The following MCU variants were observed in gnomAD, a reference collection of about 807,000 sequenced individuals.
The protein encoded by MCU is calcium uniporter protein, mitochondrial.
Under a neutral mutation model 45.2 loss-of-function variants are expected in MCU, and 12 were observed. The ratio of observed to expected loss-of-function variants is 0.27; its 90% confidence interval spans 0.17 to 0.43. The LOEUF is 0.43. Among genes scored for constraint, MCU ranks in the 20% least tolerant of loss-of-function variants. The probability of loss-of-function intolerance (pLI) is 1.00; values close to 1 mark genes in which losing one functional copy is unlikely to be tolerated. For synonymous variants in MCU, 160 were observed against 165.1 expected, an observed-to-expected ratio of 0.97 and a Z score of 0.24; for missense variants, 324 against 436.7, an observed-to-expected ratio of 0.74 and a Z score of 2.30.
At chr10:72,725,614 T>G (rs1843087282) in intron 1 of MCU, among the ~76,000 whole-genome samples, 1 of 151,994 alleles carries the variant, frequency 6.6e-6, no homozygotes, top group African/African-American at 2.4e-5. Context: ...GTAGGCCGGG[T>G]GCGGTGGCTC....
At chr10:72,746,581 A>G (rs1843418143) in intron 1 of MCU, among the ~76,000 whole-genome samples, 1 of 152,190 alleles carries the variant, frequency 6.6e-6, no homozygotes, top group African/African-American at 2.4e-5. Context: ...GTTCTAGGGT[A>G]TGTAATAAGA....
intron 1 of MCU, among the ~76,000 whole-genome samples, chr10:72,815,729 C>T (rs570020371): frequency 2.6e-5 from 4 of 152,110 alleles, no homozygotes; most frequent in Admixed American, 2.6e-4. Context: ...CAGATTACAT[C>T]GTGATAAAAA....
At chr10:72,779,424 A>T (rs1843954152) in intron 1 of MCU, among the ~76,000 whole-genome samples, 4 of 152,244 alleles carry the variant, frequency 2.6e-5, no homozygotes, top group Non-Finnish European at 5.9e-5. Context: ...GTGACAAAAG[A>T]GAAAATAGAC....
At chr10:72,743,647 A>G (rs751530136) in intron 1 of MCU, among the ~76,000 whole-genome samples, 3 of 152,288 alleles carry the variant, frequency 2.0e-5, no homozygotes, top group South Asian at 2.1e-4. Context: ...AGTTATGCAG[A>G]TTAGTGTATT....
In MCU at chr10:72,886,968, TTCTTA is replaced by T. The variant is rs1845784359; in HGVS notation, c.*1152_*1156del. On this transcript the variant is annotated 3_prime_UTR_variant, in exon 8 of 8. Transcript: ENST00000373053. ...AAGCCCACTCTCTTCACCCTATTTT[TTCTTA>T]TCTTAAATTGAGAGAAAGAGAATTA... 1 of 152,348 alleles carries T rather than the reference TTCTTA, an allele frequency of 6.6e-6. No homozygotes were observed. The highest frequency in any genetic ancestry group is 6.5e-5 in the Admixed American group (1 of 15,282). The allele number at this position is 152,348 out of a possible 1,614,324, so 9.4% of individuals were successfully genotyped here.
chr10:72,846,481 A>T lies in MCU; in HGVS notation c.220+12053A>T, dbSNP rs192145758. 2.4e-4 allele frequency among the ~76,000 whole-genome samples: 36 copies of T among 152,250 alleles called. No homozygotes were observed. In the East Asian group the frequency reaches 6.4e-3, roughly 27 times the overall value. ...TTTATATGCTACTCGCGCATTAGTC[A>T]CTTAGTAGCTGTTTCAGTTACCGGA... On this transcript the variant is annotated intron_variant, in intron 2 of 7. Transcript: ENST00000373053.
chr10:72,862,948 C>T (rs972183997), intron 4 of MCU, among the ~76,000 whole-genome samples: 4 of 151,642 alleles, frequency 2.6e-5, no homozygotes, highest in African/African-American at 7.3e-5. Flanking sequence ...TTGGGTCTAA[C>T]ATAGAAAAGT....
At position 72,805,153 on chromosome 10, in the gene MCU, TTC is replaced by T. The variant is rs201510372; in HGVS notation, c.151-29204_151-29203del. On this transcript the variant is annotated intron_variant, in intron 1 of 7. Transcript: ENST00000373053. ...TTTCTTTCTTTCTTTCTTTCTTTCT[TTC>T]TTTCTGTCTCTCTCTCTCTCTCTTT... Among the ~76,000 whole-genome samples, 10 of 129,738 alleles carry T rather than the reference TTC, an allele frequency of 7.7e-5. No homozygotes were observed. The East Asian group carries it at 1.6e-3, about 21-fold the overall frequency. The allele number at this position is 129,738 out of a possible 152,430, so 85.1% of individuals were successfully genotyped here.
intron 1 of MCU, chr10:72,692,651 C>G: frequency 8.6e-7 from 1 of 1,168,650 alleles, no homozygotes. Context: ...CCAAGGCTCC[C>G]TGAACGGAGC....
rs1845167785 is a variant in MCU at position 72,849,155 on chromosome 10, C to T, written c.221-10022C>T. Among the ~76,000 whole-genome samples, 4 of 151,762 alleles carry T rather than the reference C, an allele frequency of 2.6e-5. No homozygotes were observed. The South Asian group carries it at 8.3e-4, about 32-fold the overall frequency. ...AATTAGCCGGGCATGGTGGCAGGCA[C>T]CTGTAATCCCAGCTACTCGGGAGGC... On this transcript the variant is annotated intron_variant, in intron 2 of 7. Coordinates refer to ENST00000373053, the MANE Select transcript of MCU (RefSeq NM_138357.3).
chr10:72,821,512 A>C (rs891821538), intron 1 of MCU, among the ~76,000 whole-genome samples: 7 of 152,166 alleles, frequency 4.6e-5, no homozygotes, highest in South Asian at 4.1e-4. Context: ...ATTGATATGC[A>C]TGCCTGAGTT....
intron 1 of MCU, among the ~76,000 whole-genome samples, chr10:72,746,395 G>A (rs116332007): frequency 2.0e-5 from 3 of 152,120 alleles, no homozygotes; most frequent in Non-Finnish European, 2.9e-5. Context: ...TCGTACAGGC[G>A]TTTTAACTTT....
chr10:72,744,840 T>C (rs950757802), intron 1 of MCU, among the ~76,000 whole-genome samples: 1 of 152,234 alleles, frequency 6.6e-6, no homozygotes, highest in African/African-American at 2.4e-5. Flanking sequence ...AATGGTTAGA[T>C]AGACCTCTGG....
chr10:72,835,683 T>C (rs1194735267), intron 2 of MCU, among the ~76,000 whole-genome samples: 2 of 152,188 alleles, frequency 1.3e-5, no homozygotes, highest in Non-Finnish European at 2.9e-5. Flanking sequence ...ATTTGTAATA[T>C]GGAAAGGTTA....
intron 1 of MCU, chr10:72,692,581 C>T: frequency 1.8e-6 from 2 of 1,097,788 alleles, no homozygotes; most frequent in Non-Finnish European, 2.2e-6. Context: ...GGGACTTGAA[C>T]CTCTCCCCGA....
chr10:72,749,914 G>C (rs1843469977), intron 1 of MCU, among the ~76,000 whole-genome samples: 1 of 151,516 alleles, frequency 6.6e-6, no homozygotes, highest in Non-Finnish European at 1.5e-5. Flanking sequence ...CTACAGGCGT[G>C]TGCTACCATG....
intron 1 of MCU, among the ~76,000 whole-genome samples, chr10:72,753,877 G>C (rs1843536726): frequency 6.6e-6 from 1 of 151,508 alleles, no homozygotes; most frequent in African/African-American, 2.4e-5. Flanking sequence ...AGAAGACTTT[G>C]TCCAAAAAAA....
intron 2 of MCU, among the ~76,000 whole-genome samples, chr10:72,851,300 CCTGTGAAA>C (rs1845203565): frequency 2.0e-5 from 3 of 152,154 alleles, no homozygotes; most frequent in Admixed American, 2.0e-4. Flanking sequence ...TAAGCATTTA[CCTGTGAAA>C]CTGATGTTTT....
In MCU at chr10:72,844,609, C is replaced by T. The variant is rs144276348; in HGVS notation, c.220+10181C>T. ...TATAGATATTCTGAGGATATTTTTG[C>T]GGTAATGTATAAGGAAGCTCCTTAT... is the stretch of plus-strand genomic sequence containing the variant. On this transcript the variant is annotated intron_variant, in intron 2 of 7. Transcript: ENST00000373053. Among the ~76,000 whole-genome samples the T allele has an allele frequency of 4.5e-3, 691 of 151,912 alleles. 5 individuals carry two copies. The highest frequency in any genetic ancestry group is 0.016 in the African/African-American group (653 of 41,426).
Sources: gnomAD v4.1 joint callset for allele counts (sites outside exome capture counted in the v4.1 genomes callset) on GRCh38, gnomAD v4.1.1 for gene constraint, MANE v1.5 for transcripts, NCBI Gene and HGNC (gene_info 2026-07-23, HGNC 2026-07-21) for gene names.